Variants in CPXM2 observed in about 807,000 individuals in gnomAD.
CPXM2 encodes the protein carboxypeptidase X, M14 family member 2.
CPXM2 carries 66 observed loss-of-function variants against 86.1 expected under a neutral mutation model. The observed-to-expected ratio is 0.77, with a 90% CI of 0.63 to 0.94. The LOEUF (loss-of-function observed/expected upper bound fraction) is 0.94. Among genes scored for constraint, CPXM2 ranks in the 40% least tolerant of loss-of-function variants. CPXM2 has a pLI of 0.00. For missense variants in CPXM2, 948 were observed against 1,026.3 expected (o/e 0.92, Z 1.04); for synonymous variants, 388 against 400.2 (o/e 0.97, Z 0.36).
upstream of CPXM2, among the ~76,000 whole-genome samples, chr10:123,943,981 G>A (rs189352133): frequency 3.9e-5 from 6 of 152,298 alleles, no homozygotes; most frequent in East Asian, 1.9e-4. Flanking sequence ...CATCGTCATC[G>A]TGGTCACCTG....
chr10:123,933,023 A>C (rs1336728750), intron 2 of CPXM2, among the ~76,000 whole-genome samples: 1 of 152,222 alleles, frequency 6.6e-6, no homozygotes, highest in African/African-American at 2.4e-5. Flanking sequence ...GGAAGATCTC[A>C]GGACCAATCC....
At position 123,761,939 on chromosome 10, in the gene CPXM2, G is replaced by C. The variant is rs943461132; in HGVS notation, c.1710C>G (p.Cys570Trp). ...RLMTDARRRV[C>W]HTEDFQKEEG... is the part of the protein sequence containing the mutation. The stretch of plus-strand genomic sequence containing the variant: ...CCTCCTTCTGGAAGTCCTCCGTGTG[G>C]CACACCCTCCTCCGGGCGTCTGTCA... Residue 570 changes from cysteine (C) to tryptophan (W), a missense_variant, in exon 11 of 14, where the codon TGC (cysteine) becomes TGG (tryptophan). Cys to Trp is a radical substitution (Grantham distance 215). Transcript: ENST00000241305. 4 of 1,613,660 alleles carry C rather than the reference G, an allele frequency of 2.5e-6. No homozygotes were observed. The African/African-American group carries it at 5.3e-5, about 22-fold the overall frequency.
intron 2 of CPXM2, among the ~76,000 whole-genome samples, chr10:123,914,754 T>C (rs920838980): frequency 2.6e-5 from 4 of 152,166 alleles, no homozygotes; most frequent in African/African-American, 9.7e-5. Flanking sequence ...AAGATTTCAC[T>C]GCCCTCATTC....
intron 4 of CPXM2, among the ~76,000 whole-genome samples, chr10:123,839,962 G>A (rs1330535774): frequency 1.3e-5 from 2 of 152,220 alleles, no homozygotes; most frequent in African/African-American, 4.8e-5. Flanking sequence ...TGTCTGAGCT[G>A]AGGAAAGATA....
intron 4 of CPXM2, among the ~76,000 whole-genome samples, chr10:123,812,856 A>T (rs1308582251): frequency 6.6e-6 from 1 of 152,068 alleles, no homozygotes; most frequent in Non-Finnish European, 1.5e-5. Context: ...TCTGTATAAA[A>T]ACTCTTCCAT....
At chr10:123,773,146 A>C (rs1038222420) in intron 7 of CPXM2, among the ~76,000 whole-genome samples, 7 of 148,712 alleles carry the variant, frequency 4.7e-5, no homozygotes, top group African/African-American at 1.8e-4. Flanking sequence ...CATTGTGGTT[A>C]TCAGCTCCCT....
chr10:123,920,641 G>T (rs1945572317), intron 2 of CPXM2, among the ~76,000 whole-genome samples: 1 of 152,164 alleles, frequency 6.6e-6, no homozygotes, highest in Non-Finnish European at 1.5e-5. Flanking sequence ...AATGACAGTG[G>T]ATAATTGTTA....
intron 4 of CPXM2, among the ~76,000 whole-genome samples, chr10:123,804,204 T>G (rs1847529663): frequency 6.6e-6 from 1 of 152,234 alleles, no homozygotes. Context: ...ACTTTGTTTT[T>G]GCTTTTCAAA....
chr10:123,835,176 G>C (rs556056319), intron 4 of CPXM2, among the ~76,000 whole-genome samples: 1 of 152,134 alleles, frequency 6.6e-6, no homozygotes, highest in African/African-American at 2.4e-5. Context: ...ACAGCAAGGG[G>C]GCCTCCCCAT....
At chr10:123,858,272 C>A (rs1333026424) in intron 3 of CPXM2, among the ~76,000 whole-genome samples, 4 of 152,254 alleles carry the variant, frequency 2.6e-5, no homozygotes, top group Non-Finnish European at 5.9e-5. Flanking sequence ...TACACAGAAG[C>A]TTTGTTGATT....
At chr10:123,775,924 G>A (rs957013183) in intron 7 of CPXM2, among the ~76,000 whole-genome samples, 5 of 152,188 alleles carry the variant, frequency 3.3e-5, no homozygotes, top group Non-Finnish European at 5.9e-5. Context: ...CCATTTAAAC[G>A]CAATTAATTC....
chr10:123,858,262 T>C (rs1848783193), intron 3 of CPXM2, among the ~76,000 whole-genome samples: 2 of 152,236 alleles, frequency 1.3e-5, no homozygotes, highest in Non-Finnish European at 2.9e-5. Flanking sequence ...CTGCAGCCAC[T>C]ACACAGAAGC....
chr10:123,900,059 G>T (rs970212771), intron 2 of CPXM2, among the ~76,000 whole-genome samples: 1 of 152,022 alleles, frequency 6.6e-6, no homozygotes, highest in African/African-American at 2.4e-5. Context: ...AATTTTTTTT[G>T]GAGACGGAGT....
intron 7 of CPXM2, among the ~76,000 whole-genome samples, chr10:123,779,215 C>A (rs899882975): frequency 3.9e-5 from 6 of 152,224 alleles, no homozygotes; most frequent in Non-Finnish European, 7.3e-5. Flanking sequence ...CTAAGGATTT[C>A]TCATTTGCCA....
At chr10:123,901,954 A>G (rs1414751529) in intron 2 of CPXM2, among the ~76,000 whole-genome samples, 1 of 152,188 alleles carries the variant, frequency 6.6e-6, no homozygotes, top group African/African-American at 2.4e-5. Flanking sequence ...CAAACTGTTC[A>G]CTGGAATGAA....
upstream of CPXM2, among the ~76,000 whole-genome samples, chr10:123,894,741 A>G (rs1026345616): frequency 6.6e-5 from 10 of 152,236 alleles, no homozygotes; most frequent in Admixed American, 2.0e-4. Context: ...TTCACCTTCT[A>G]ATACATAGCA....
upstream of CPXM2, among the ~76,000 whole-genome samples, chr10:123,895,114 T>TTTTTTTC (rs1280396623): frequency 3.3e-5 from 4 of 122,282 alleles, no homozygotes; most frequent in African/African-American, 8.2e-5. Flanking sequence ...TTTTTTTTCT[T>TTTTTTTC]TTTTTTCTTT....
Position 123,798,071 on chromosome 10 carries a change from G to C in CPXM2, c.794C>G (p.Pro265Arg), listed in dbSNP as rs1366533225. 2 of 1,611,596 alleles carry C rather than the reference G, an allele frequency of 1.2e-6. No homozygotes were observed. The highest frequency in any genetic ancestry group is 1.3e-5 in the African/African-American group (1 of 74,736). Reference protein sequence around the residue: ...EIPVLNELPVPMVARYIRINP... With the variant: ...EIPVLNELPVRMVARYIRINP... ...TATGCGGATGTAGCGGGCCACCATGGGGACGGGTAGCTCATTGAGAACAGG... is the reference window on the plus strand; with the variant it reads ...TATGCGGATGTAGCGGGCCACCATGCGGACGGGTAGCTCATTGAGAACAGG... Residue 265 changes from proline to arginine, a missense_variant, in exon 6 of 14, where the codon CCC becomes CGC. Coordinates refer to ENST00000241305, the MANE Select transcript of CPXM2 (RefSeq NM_198148.3).
intron 2 of CPXM2, among the ~76,000 whole-genome samples, chr10:123,904,613 T>G (rs1309418416): frequency 6.6e-6 from 1 of 152,202 alleles, no homozygotes; most frequent in Non-Finnish European, 1.5e-5. Context: ...AGCACAATGC[T>G]TGGCATGGGG....
Sources: allele counts gnomAD v4.1 joint callset (sites outside exome capture counted in the v4.1 genomes callset), GRCh38; gene constraint gnomAD v4.1.1; transcripts MANE v1.5; gene names NCBI Gene and HGNC (gene_info 2026-07-23, HGNC 2026-07-21).